BDKRB2: variants seen among roughly 807,000 people sequenced by gnomAD.
The protein encoded by BDKRB2 is B2 bradykinin receptor.
BDKRB2 carries 6 observed loss-of-function variants against 4.0 expected under a neutral mutation model. The ratio of observed to expected loss-of-function variants is 1.49; its 90% confidence interval spans 0.81 to 2.93. The LOEUF (loss-of-function observed/expected upper bound fraction) is 2.93. Among genes scored for constraint, BDKRB2 ranks in the 30% most tolerant of loss-of-function variants. BDKRB2 has a pLI of 0.00. For synonymous variants in BDKRB2, 225 were observed against 215.3 expected (o/e 1.05, Z -0.40); for missense variants, 478 against 520.1 (o/e 0.92, Z 0.79).
intron 2 of BDKRB2, chr14:96,237,731 A>C: frequency 7.8e-7 from 1 of 1,289,666 alleles, no homozygotes; most frequent in Non-Finnish European, 1.0e-6. Context: ...GCCTATGATG[A>C]AGATGAGCAG....
rs184964119 is a variant in BDKRB2 at position 96,237,259 on chromosome 14, C to T, written c.74+78C>T. On this transcript the variant is annotated intron_variant, in intron 2 of 2. Coordinates refer to ENST00000554311, the MANE Select transcript of BDKRB2 (RefSeq NM_001379692.1). ...CTGGAGAACTCCCTGGAAAGCTCAA[C>T]TCTCATGCCCCGGACAACAGTTGAA... The T allele has an allele frequency of 7.3e-5, 97 of 1,326,282 alleles. No individual in the cohort carries two copies. In the African/African-American group the frequency reaches 1.4e-3, roughly 19 times the overall value. 82.2% of individuals were successfully genotyped at this position (1,326,282 alleles called of 1,614,324 possible).
intron 2 of BDKRB2, chr14:96,238,707 G>A (rs977303150): frequency 1.0e-6 from 1 of 977,284 alleles, no homozygotes; most frequent in East Asian, 1.1e-4. Context: ...TGGTCCACTT[G>A]TCCTCCTTCT....
rs962116414 is a variant in BDKRB2 at position 96,213,975 on chromosome 14, G to A, written c.-40+9016G>A. ...GAACTCCCAAAGATGCTCAGGCAGGGCCAGGGGAGACCAGTGGGGCAGGGA... is the reference window on the plus strand; with the variant it reads ...GAACTCCCAAAGATGCTCAGGCAGGACCAGGGGAGACCAGTGGGGCAGGGA... On this transcript the variant is annotated intron_variant, in intron 1 of 2. Transcript: ENST00000554311. 2.0e-5 allele frequency among the ~76,000 whole-genome samples: 3 copies of A among 152,184 alleles called. No homozygotes were observed. In the South Asian group the frequency reaches 6.2e-4, roughly 31 times the overall value.
At position 96,241,339 on chromosome 14, in the gene BDKRB2, GC is replaced by G; in HGVS notation, c.1012del (p.Arg338AlafsTer63). Reference protein sequence around the residue: ...NPLVYVIVGKRFRKKSWEVYQ... With the variant: ...NPLVYVIVGKXFRKKSWEVYQ... The stretch of plus-strand genomic sequence containing the variant: ...CACTGGTGTACGTGATCGTGGGCAA[GC>G]GCTTCCGAAAGAAGTCTTGGGAGGT... On this transcript the variant is annotated frameshift_variant, in exon 3 of 3. Coordinates refer to ENST00000554311, the MANE Select transcript of BDKRB2 (RefSeq NM_001379692.1). LOFTEE classifies it low-confidence loss of function (END_TRUNC). The G allele has an allele frequency of 6.2e-7, 1 of 1,614,068 alleles. No homozygotes were observed. The highest frequency in any genetic ancestry group is 8.5e-7 in the Non-Finnish European group (1 of 1,179,974).
chr14:96,221,042 C>G (rs1595253162), intron 1 of BDKRB2, among the ~76,000 whole-genome samples: 2 of 152,210 alleles, frequency 1.3e-5, no homozygotes, highest in Non-Finnish European at 2.9e-5. Context: ...CAAATCCCAA[C>G]TCCACCCATC....
rs553535553 is a variant in BDKRB2 at position 96,218,089 on chromosome 14, G to C, written c.-40+13130G>C. ...CGTGAGGCTCAGGGAAAGGACTGTC[G>C]TGCAAACCCACCATGGCATGAGCTG... On this transcript the variant is annotated intron_variant, in intron 1 of 2. Coordinates refer to ENST00000554311, the MANE Select transcript of BDKRB2 (RefSeq NM_001379692.1). Among the ~76,000 whole-genome samples the C allele has an allele frequency of 1.3e-4, 19 of 151,998 alleles. 1 individual carries two copies. The highest frequency in any genetic ancestry group is 4.6e-4 in the Admixed American group (7 of 15,276).
At chr14:96,220,724 C>G (rs552284010) in intron 1 of BDKRB2, among the ~76,000 whole-genome samples, 1 of 151,732 alleles carries the variant, frequency 6.6e-6, no homozygotes, top group African/African-American at 2.4e-5. Flanking sequence ...TCAGCCCCCT[C>G]GCTTCCTGCT....
Position 96,240,581 on chromosome 14 carries a change from C to A in BDKRB2, c.253C>A (p.His85Asn). Residue 85 changes from histidine (H) to asparagine (N), a missense_variant, in exon 3 of 3, where the codon CAC becomes AAC. Transcript: ENST00000554311. ...CTTTGTCCTCAGCGTCTTCTGCCTG[C>A]ACAAGAGCAGCTGCACGGTGGCAGA... ...NIFVLSVFCL[H>N]KSSCTVAEIY... The A allele has an allele frequency of 6.4e-7, 1 of 1,561,470 alleles. No individual in the cohort carries two copies. Among genetic ancestry groups the A allele is most frequent in the South Asian group, 1.2e-5 (1 of 81,052 alleles).
At chr14:96,237,512 C>T (rs1890964186) in intron 2 of BDKRB2, among the ~76,000 whole-genome samples, 1 of 152,158 alleles carries the variant, frequency 6.6e-6, no homozygotes, top group Admixed American at 6.5e-5. Context: ...AGCAATGTGC[C>T]AGATTGCCTT....
At chr14:96,220,376 C>T (rs536491613) in intron 1 of BDKRB2, among the ~76,000 whole-genome samples, 3 of 152,102 alleles carry the variant, frequency 2.0e-5, no homozygotes, top group Non-Finnish European at 4.4e-5. Context: ...AGGAGGTTTC[C>T]TAGGCACGAG....
At position 96,241,113 on chromosome 14, in the gene BDKRB2, T is replaced by A. The variant is rs1279563252; in HGVS notation, c.785T>A (p.Ile262Asn). The A allele has an allele frequency of 1.2e-6, 2 of 1,613,544 alleles. No homozygotes were observed. Among genetic ancestry groups the A allele is most frequent in the Admixed American group, 3.3e-5 (2 of 59,994 alleles). ...RNNEMQKFKE[I>N]QTERRATVLV... is the part of the protein sequence containing the mutation. ...AACGAGATGCAGAAGTTCAAGGAGA[T>A]CCAGACAGAGAGGAGGGCCACGGTG... The change falls in exon 3 of 3, where the codon ATC becomes AAC. Residue 262 changes from isoleucine (I) to asparagine (N), a missense_variant. Physicochemically the swap from Ile to Asn is moderately radical, Grantham distance 149. Transcript: ENST00000554311.
rs1001773730 is a variant in BDKRB2 at position 96,241,215 on chromosome 14, A to C, written c.887A>C (p.His296Pro). 1 of 1,609,684 alleles carries C rather than the reference A, an allele frequency of 6.2e-7. No homozygotes were observed. The highest frequency in any genetic ancestry group is 1.1e-5 in the South Asian group (1 of 90,568). ...FQISTFLDTL[H>P]RLGILSSCQD... ...ATCAGCACCTTCCTGGATACGCTGC[A>C]TCGCCTCGGCATCCTCTCCAGCTGC... The change falls in exon 3 of 3, where the codon CAT (histidine) becomes CCT (proline). Residue 296 changes from histidine (H) to proline (P), a missense_variant. By Grantham distance (77) the His-to-Pro change is moderately conservative. Coordinates refer to ENST00000554311, the MANE Select transcript of BDKRB2 (RefSeq NM_001379692.1).
At position 96,240,517 on chromosome 14, in the gene BDKRB2, C is replaced by G; in HGVS notation, c.189C>G (p.Phe63Leu). 1 of 1,578,476 alleles carries G rather than the reference C, an allele frequency of 6.3e-7. No individual in the cohort carries two copies. Residue 63 changes from phenylalanine (F) to leucine (L), a missense_variant, in exon 3 of 3, where the codon TTC becomes TTG. Phe to Leu is a conservative substitution (Grantham distance 22, BLOSUM62 0). Coordinates refer to ENST00000554311, the MANE Select transcript of BDKRB2 (RefSeq NM_001379692.1). The part of the protein sequence containing the change: ...LGWLNTIQPP[F>L]LWVLFVLATL... ...GGCTCAACACCATCCAGCCCCCCTT[C>G]CTCTGGGTGCTGTTCGTGCTGGCCA...
chr14:96,218,547 C>T (rs1890480239), intron 1 of BDKRB2, among the ~76,000 whole-genome samples: 1 of 152,168 alleles, frequency 6.6e-6, no homozygotes. Context: ...TGAGAGCTTT[C>T]TGAGCTGCAT....
intron 1 of BDKRB2, among the ~76,000 whole-genome samples, chr14:96,212,133 C>T (rs1890317731): frequency 6.6e-6 from 1 of 152,124 alleles, no homozygotes; most frequent in South Asian, 2.1e-4. Flanking sequence ...CTTTTTCGCA[C>T]TCTGAAATGT....
chr14:96,216,069 G>A (rs1890410504), intron 1 of BDKRB2, among the ~76,000 whole-genome samples: 1 of 152,188 alleles, frequency 6.6e-6, no homozygotes. Flanking sequence ...GGAGGATTTT[G>A]TTTCTGGCTC....
At chr14:96,206,890 A>C (rs555460277) in intron 1 of BDKRB2, among the ~76,000 whole-genome samples, 222 of 152,324 alleles carry the variant, frequency 1.5e-3, no homozygotes, top group African/African-American at 5.1e-3. Context: ...GCCCGAGATC[A>C]AGGCACTGGC....
At chr14:96,210,697 A>G (rs886247421) in intron 1 of BDKRB2, among the ~76,000 whole-genome samples, 5 of 152,194 alleles carry the variant, frequency 3.3e-5, no homozygotes, top group African/African-American at 1.2e-4. Flanking sequence ...AGCTGTCATT[A>G]GGAATAAGGA....
chr14:96,227,471 C>A (rs1300490811), intron 1 of BDKRB2, among the ~76,000 whole-genome samples: 1 of 152,142 alleles, frequency 6.6e-6, no homozygotes, highest in African/African-American at 2.4e-5. Context: ...GTAGTTCCAA[C>A]CCCCTGGGGA....
Sources: gnomAD v4.1 joint callset for allele counts (sites outside exome capture counted in the v4.1 genomes callset) on GRCh38, gnomAD v4.1.1 for gene constraint, MANE v1.5 for transcripts, NCBI Gene and HGNC (gene_info 2026-07-23, HGNC 2026-07-21) for gene names.